The following SLC9A4 variants were observed in gnomAD, a reference collection of about 807,000 sequenced individuals.
SLC9A4 encodes sodium/hydrogen exchanger 4.
SLC9A4 carries 63 observed loss-of-function variants against 67.4 expected under a neutral mutation model. The ratio of observed to expected loss-of-function variants is 0.93; its 90% CI spans 0.76 to 1.15. The LOEUF (loss-of-function observed/expected upper bound fraction) is 1.15. Ranked by LOEUF, SLC9A4 falls within the 50% of genes most tolerant of loss-of-function variation. The pLI is 0.00. For missense variants in SLC9A4, 1,089 were observed against 987.7 expected (o/e 1.10, Z -1.38); for synonymous variants, 393 against 367.2 (o/e 1.07, Z -0.80).
In SLC9A4 at chr2:102,519,865, G is replaced by A. The variant is rs1372277581; in HGVS notation, c.1728G>A (p.Gln576=). ...STAFSIPHQA[Q]RIQGIKRLSP... ...TCTCCAATAATGATTCCAGGGCCCA[G>A]AGGATACAAGGAATCAAAAGACTTT... The change falls in exon 9 of 12, where the codon CAG becomes CAA. Residue 576 remains glutamine (Q), a synonymous_variant. Coordinates refer to ENST00000295269, the MANE Select transcript of SLC9A4 (RefSeq NM_001011552.4). The A allele has an allele frequency of 6.2e-7, 1 of 1,613,626 alleles. No homozygotes were observed. Among genetic ancestry groups the A allele is most frequent in the Non-Finnish European group, 8.5e-7 (1 of 1,179,642 alleles).
At chr2:102,501,167 G>C (rs562211348) in intron 2 of SLC9A4, among the ~76,000 whole-genome samples, 2 of 151,688 alleles carry the variant, frequency 1.3e-5, no homozygotes, top group South Asian at 4.2e-4. Flanking sequence ...TGGCACCCAG[G>C]CTGGAGTACA....
chr2:102,520,094 G>A, intron 9 of SLC9A4, 139 bp downstream of exon 9: 2 of 651,980 alleles, frequency 3.1e-6, no homozygotes, highest in Non-Finnish European at 5.2e-6. Flanking sequence ...TTTTCTCTCT[G>A]CTTAGTTTGG....
At chr2:102,481,837 C>G (rs1399751443) in intron 2 of SLC9A4, among the ~76,000 whole-genome samples, 1 of 152,044 alleles carries the variant, frequency 6.6e-6, no homozygotes, top group Non-Finnish European at 1.5e-5. Flanking sequence ...GACATGCAAA[C>G]ATTCTGTTTT....
chr2:102,481,949 T>C (rs1684474130), intron 2 of SLC9A4, among the ~76,000 whole-genome samples: 1 of 152,182 alleles, frequency 6.6e-6, no homozygotes, highest in Non-Finnish European at 1.5e-5. Context: ...AAGTCCCCCT[T>C]TGAAAAATAA....
Position 102,503,461 on chromosome 2 carries a change from T to C in SLC9A4, c.734T>C (p.Met245Thr), listed in dbSNP as rs753537833. The change falls in exon 3 of 12, where the codon ATG becomes ACG. Residue 245 changes from methionine (M) to threonine (T), a missense_variant. Transcript: ENST00000295269. ...NDGITVVLYN[M>T]LIAFTKMHKF... ...TTTTTTGCCTAGGTCTTATACAATA[T>C]GTTAATTGCCTTTACAAAGATGCAT... 5 of 1,609,694 alleles carry C rather than the reference T, an allele frequency of 3.1e-6. No individual in the cohort carries two copies. The highest frequency in any genetic ancestry group is 1.3e-5 in the African/African-American group (1 of 74,910).
In SLC9A4 at chr2:102,503,580, G is replaced by A; in HGVS notation, c.853G>A (p.Gly285Arg). ...AGGGGTATTGTTTGGCATCGTTTTT[G>A]GATTTATTTCTGCATTTATCACACG... ...LGGVLFGIVFGFISAFITRFT... is the reference protein window; with the variant it reads ...LGGVLFGIVFRFISAFITRFT... Residue 285 changes from glycine (G) to arginine (R), a missense_variant, in exon 3 of 12, where the codon GGA (glycine) becomes AGA (arginine). Coordinates refer to ENST00000295269, the MANE Select transcript of SLC9A4 (RefSeq NM_001011552.4). 6.2e-7 allele frequency: 1 copy of A among 1,614,080 alleles called. No homozygotes were observed. Among genetic ancestry groups the A allele is most frequent in the Non-Finnish European group, 8.5e-7 (1 of 1,180,016 alleles).
chr2:102,518,429 T>C (rs1296431770), intron 8 of SLC9A4, among the ~76,000 whole-genome samples: 1 of 152,196 alleles, frequency 6.6e-6, no homozygotes, highest in Admixed American at 6.5e-5. Flanking sequence ...TCAGAATAAA[T>C]GTTATGTGAA....
rs1246804811 is a variant in SLC9A4 at position 102,533,917 on chromosome 2, A to G, written c.*1229A>G. ...ATTGTTGGACATTTGGGTTGGTTCC[A>G]AGTCTTTGCTATTGTGAATAATGCC... On this transcript the variant is annotated 3_prime_UTR_variant, in exon 12 of 12. Transcript: ENST00000295269. 6.6e-6 allele frequency: 1 copy of G among 151,146 alleles called. No individual in the cohort carries two copies. The highest frequency in any genetic ancestry group is 1.5e-5 in the Non-Finnish European group (1 of 67,706). 9.4% of individuals were successfully genotyped at this position (151,146 alleles called of 1,614,324 possible). A position where few individuals can be genotyped will look rare whatever the true frequency, so the allele number is the denominator to read the frequency against.
chr2:102,522,179 G>A (rs902721355), intron 9 of SLC9A4, among the ~76,000 whole-genome samples: 4 of 152,216 alleles, frequency 2.6e-5, no homozygotes, highest in Non-Finnish European at 5.9e-5. Flanking sequence ...ATAGGTCACA[G>A]ATTGATGGGT....
rs776155467 is a variant in SLC9A4 at position 102,479,049 on chromosome 2, G to A, written c.467G>A (p.Gly156Asp). 9 of 1,614,026 alleles carry A rather than the reference G, an allele frequency of 5.6e-6. No homozygotes were observed. The highest frequency in any genetic ancestry group is 2.2e-5 in the South Asian group (2 of 91,094). The change falls in exon 2 of 12, where the codon GGC (glycine) becomes GAC (aspartate). Residue 156 changes from glycine to aspartate, a missense_variant. By Grantham distance (94) the Gly-to-Asp change is moderately conservative. Coordinates refer to ENST00000295269, the MANE Select transcript of SLC9A4 (RefSeq NM_001011552.4). ...MPTRPFFENI[G>D]SILWWAVLGA... ...ACCCGGCCCTTCTTTGAGAACATCG[G>A]CTCCATCCTGTGGTGGGCAGTATTG...
At chr2:102,529,404 A>G (rs1309780732) in intron 11 of SLC9A4, among the ~76,000 whole-genome samples, 1 of 152,210 alleles carries the variant, frequency 6.6e-6, no homozygotes, top group East Asian at 1.9e-4. Context: ...TATGGGTCAT[A>G]TGTCTGCAGG....
Position 102,532,692 on chromosome 2 carries a change from T to C in SLC9A4, c.*4T>C. 6.2e-7 allele frequency: 1 copy of C among 1,609,662 alleles called. No individual in the cohort carries two copies. The highest frequency in any genetic ancestry group is 8.5e-7 in the Non-Finnish European group (1 of 1,177,472). ...TCCTTTGCTCCAAAAAAAATAGTGT[T>C]ATTGTCCACAAGATTGTTTTGGTGT... On this transcript the variant is annotated 3_prime_UTR_variant, in exon 12 of 12. Coordinates refer to ENST00000295269, the MANE Select transcript of SLC9A4 (RefSeq NM_001011552.4).
chr2:102,531,968 C>T (rs963927705), intron 11 of SLC9A4, among the ~76,000 whole-genome samples: 5 of 152,220 alleles, frequency 3.3e-5, no homozygotes, highest in Non-Finnish European at 7.3e-5. Context: ...ACCACATAAC[C>T]TGTGTGTAGC....
chr2:102,492,011 A>G (rs1173598225), intron 2 of SLC9A4, among the ~76,000 whole-genome samples: 4 of 152,232 alleles, frequency 2.6e-5, no homozygotes, highest in East Asian at 1.9e-4. Context: ...CAAATCTTAA[A>G]GCTCCAAAAT....
chr2:102,477,215 A>G (rs1358385628), intron 1 of SLC9A4, among the ~76,000 whole-genome samples: 1 of 152,186 alleles, frequency 6.6e-6, no homozygotes, highest in Non-Finnish European at 1.5e-5. Context: ...CCCAGTTCAA[A>G]GGTTGCTCCA....
chr2:102,529,253 C>T (rs979335391), intron 11 of SLC9A4, among the ~76,000 whole-genome samples: 4 of 152,156 alleles, frequency 2.6e-5, no homozygotes, highest in East Asian at 1.9e-4. Flanking sequence ...CAAATATACT[C>T]GACTGGTTCT....
intron 2 of SLC9A4, among the ~76,000 whole-genome samples, chr2:102,489,971 T>C (rs1486645772): frequency 5.3e-5 from 8 of 152,230 alleles, no homozygotes; most frequent in Non-Finnish European, 1.2e-4. Flanking sequence ...ACTGGGTTCA[T>C]CATTTAATTT....
At chr2:102,507,936 C>G (rs1001463036) in intron 4 of SLC9A4, 143 bp from the exon 5 acceptor site, 12 of 726,488 alleles carry the variant, frequency 1.7e-5, no homozygotes, top group Admixed American at 1.0e-4. Flanking sequence ...AAAAGATACT[C>G]TACCTGGGAT....
chr2:102,498,743 A>C (rs1177104945), intron 2 of SLC9A4, among the ~76,000 whole-genome samples: 2 of 152,240 alleles, frequency 1.3e-5, no homozygotes, highest in African/African-American at 4.8e-5. Context: ...ATTCAAAATC[A>C]TATGTCACAT....
Sources: allele counts gnomAD v4.1 joint callset (sites outside exome capture counted in the v4.1 genomes callset), GRCh38; gene constraint gnomAD v4.1.1; transcripts MANE v1.5; gene names NCBI Gene and HGNC (gene_info 2026-07-23, HGNC 2026-07-21).